Variants in PARD3B observed in about 807,000 individuals in gnomAD.
PARD3B encodes the protein par-3 family cell polarity regulator beta.
A neutral mutation model predicts 130.2 loss-of-function variants in PARD3B; 103 were observed. The observed-to-expected ratio is 0.79, with a 90% CI of 0.67 to 0.93. The LOEUF (loss-of-function observed/expected upper bound fraction) is 0.93, where lower values mean the gene tolerates loss of function less well. Ranked by LOEUF, PARD3B falls within the 40% of genes least tolerant of loss-of-function variation. The probability of loss-of-function intolerance (pLI) is 0.00; values close to 1 mark genes in which losing one functional copy is unlikely to be tolerated. For synonymous variants in PARD3B, 583 were observed against 553.2 expected, an observed-to-expected ratio of 1.05 and a Z score of -0.76; for missense variants, 1,609 against 1,499.2, an observed-to-expected ratio of 1.07 and a Z score of -1.21.
At chr2:205,152,760 A>G (rs1195709700) in intron 10 of PARD3B, among the ~76,000 whole-genome samples, 2 of 152,224 alleles carry the variant, frequency 1.3e-5, no homozygotes, top group Non-Finnish European at 2.9e-5. Context: ...ACTTCTGTCA[A>G]CTTGTCAGAG....
chr2:205,375,566 T>C (rs995520438), intron 18 of PARD3B, among the ~76,000 whole-genome samples: 20 of 152,096 alleles, frequency 1.3e-4, no homozygotes, highest in African/African-American at 4.8e-4. Flanking sequence ...GTAGGAGAGA[T>C]TTGTGGCAAG....
At chr2:205,196,777 A>G (rs1013566225) in intron 15 of PARD3B, among the ~76,000 whole-genome samples, 1 of 152,148 alleles carries the variant, frequency 6.6e-6, no homozygotes, top group Non-Finnish European at 1.5e-5. Context: ...AAATTTGCAC[A>G]CATAGATGTG....
intron 21 of PARD3B, among the ~76,000 whole-genome samples, chr2:205,542,856 T>C (rs2052219236): frequency 6.6e-6 from 1 of 152,186 alleles, no homozygotes; most frequent in Admixed American, 6.5e-5. Context: ...TTTTTTATTT[T>C]GTAAGGAATA....
chr2:205,444,434 G>A (rs1029623019), intron 20 of PARD3B, among the ~76,000 whole-genome samples: 1 of 152,202 alleles, frequency 6.6e-6, no homozygotes, highest in Admixed American at 6.5e-5. Flanking sequence ...CACCCTGGGT[G>A]ACAGAGAAAG....
chr2:205,257,288 A>C (rs2040129754), intron 16 of PARD3B, among the ~76,000 whole-genome samples: 1 of 152,130 alleles, frequency 6.6e-6, no homozygotes, highest in Non-Finnish European at 1.5e-5. Flanking sequence ...AAAGCCATTC[A>C]AAGTTACCTT....
At position 205,011,396 on chromosome 2, in the gene PARD3B, G is replaced by T. The variant is rs562807087; in HGVS notation, c.395-36185G>T. ...AGGTTGTCAGTATGTCCCTAGGGCT[G>T]CTTGGGACATGGCAGCTGCATCCCC... On this transcript the variant is annotated intron_variant, in intron 3 of 22. Transcript: ENST00000406610. The surrounding 1 kb of genome is among the most constrained non-coding windows in gnomAD (Gnocchi z 4.1). Among the ~76,000 whole-genome samples, 35 of 152,290 alleles carry T rather than the reference G, an allele frequency of 2.3e-4. No homozygotes were observed. The highest frequency in any genetic ancestry group is 8.2e-4 in the African/African-American group (34 of 41,550).
At position 205,291,361 on chromosome 2, in the gene PARD3B, A is replaced by G. The variant is rs2041601585; in HGVS notation, c.2186-9169A>G. 6.6e-6 allele frequency among the ~76,000 whole-genome samples: 1 copy of G among 152,240 alleles called. No individual in the cohort carries two copies. Among genetic ancestry groups the G allele is most frequent in the South Asian group, 2.1e-4 (1 of 4,830 alleles). ...AGATGATACCCACATAATCTTGAAT[A>G]GAACGTTGGTAGAAATATGGATGGT... On this transcript the variant is annotated intron_variant, in intron 16 of 22. Coordinates refer to ENST00000406610, the MANE Select transcript of PARD3B (RefSeq NM_001302769.2). This position sits in a 1 kb window ranked among gnomAD's most constrained non-coding sequence, Gnocchi z 4.6.
At chr2:205,504,443 A>G (rs902964596) in intron 21 of PARD3B, among the ~76,000 whole-genome samples, 1 of 152,240 alleles carries the variant, frequency 6.6e-6, no homozygotes, top group Non-Finnish European at 1.5e-5. Context: ...AACTACCATC[A>G]GAGTGAACAG....
At chr2:204,605,721 A>T (rs1313014313) in intron 1 of PARD3B, among the ~76,000 whole-genome samples, 1 of 152,228 alleles carries the variant, frequency 6.6e-6, no homozygotes, top group Non-Finnish European at 1.5e-5. Context: ...CGTAAAAAAG[A>T]GAATTATAAT....
chr2:205,325,489 TGATAAA>T lies in PARD3B; in HGVS notation c.2630+23793_2630+23798del, dbSNP rs1298731314. 6.6e-6 allele frequency among the ~76,000 whole-genome samples: 1 copy of T among 150,866 alleles called. No individual in the cohort carries two copies. Among genetic ancestry groups the T allele is most frequent in the African/African-American group, 2.4e-5 (1 of 41,034 alleles). On this transcript the variant is annotated intron_variant, in intron 18 of 22. Transcript: ENST00000406610. This position sits in a 1 kb window ranked among gnomAD's most constrained non-coding sequence, Gnocchi z 4.1. ...CAACAATTCTCTCCACACTCAGTAC[TGATAAA>T]GATAGTTTACTAATATCATCTCATT...
intron 16 of PARD3B, among the ~76,000 whole-genome samples, chr2:205,267,285 T>C (rs376540470): frequency 8.5e-4 from 124 of 146,498 alleles, no homozygotes; most frequent in African/African-American, 3.0e-3. Flanking sequence ...CTTCTTGCTA[T>C]GTACTGATAT....
chr2:204,787,699 C>T lies in PARD3B; in HGVS notation c.222+101417C>T, dbSNP rs567102859. Among the ~76,000 whole-genome samples the T allele has an allele frequency of 1.6e-4, 25 of 152,316 alleles. No individual in the cohort carries two copies. The South Asian group carries it at 4.6e-3, about 28-fold the overall frequency. On this transcript the variant is annotated intron_variant, in intron 2 of 22. Transcript: ENST00000406610. Reference sequence around the variant, plus strand: ...TTTCTAATAGGTGGAATGTAACTCTCCTCTACCACTGTTCAAGGATAAAAT... The same window carrying T: ...TTTCTAATAGGTGGAATGTAACTCTTCTCTACCACTGTTCAAGGATAAAAT...
At chr2:205,472,876 G>T (rs73985031) in intron 20 of PARD3B, among the ~76,000 whole-genome samples, 2,812 of 152,112 alleles carry the variant, frequency 0.018, 97 homozygotes, top group African/African-American at 0.064. Flanking sequence ...TAGAGGGGGG[G>T]AACAGACAGA....
At chr2:205,390,460 T>C (rs929833309) in intron 18 of PARD3B, among the ~76,000 whole-genome samples, 1 of 152,250 alleles carries the variant, frequency 6.6e-6, no homozygotes, top group Non-Finnish European at 1.5e-5. Context: ...CTACATGGAC[T>C]AATTCTTTTG....
In PARD3B at chr2:204,906,598, T is replaced by C. The variant is rs1472113889; in HGVS notation, c.223-58554T>C. 6.6e-6 allele frequency among the ~76,000 whole-genome samples: 1 copy of C among 152,226 alleles called. No individual in the cohort carries two copies. Among genetic ancestry groups the C allele is most frequent in the Non-Finnish European group, 1.5e-5 (1 of 68,040 alleles). ...ATTTTGATGCCTTCCCTTATGTTGG[T>C]AATTTAGCAACCATTGTTCTGTTTG... is the stretch of plus-strand genomic sequence containing the variant. On this transcript the variant is annotated intron_variant, in intron 2 of 22. Transcript: ENST00000406610. This position sits in a 1 kb window ranked among gnomAD's most constrained non-coding sequence, Gnocchi z 4.3.
chr2:204,651,350 A>G (rs1000018279), intron 1 of PARD3B, among the ~76,000 whole-genome samples: 1 of 152,220 alleles, frequency 6.6e-6, no homozygotes, highest in Admixed American at 6.5e-5. Context: ...AATTGACCCA[A>G]AGAAAGGGGC....
chr2:204,831,013 A>C (rs1401276051), intron 2 of PARD3B, among the ~76,000 whole-genome samples: 1 of 152,196 alleles, frequency 6.6e-6, no homozygotes, highest in Non-Finnish European at 1.5e-5. Context: ...TTATTATCTA[A>C]ATAACTGAGT....
chr2:205,610,211 A>G (rs1224325410), intron 22 of PARD3B, among the ~76,000 whole-genome samples: 2 of 152,100 alleles, frequency 1.3e-5, no homozygotes, highest in South Asian at 2.1e-4. Context: ...AAAGCTTGGG[A>G]GGCACTGGGA....
chr2:205,326,911 A>T (rs1253592372), intron 18 of PARD3B, among the ~76,000 whole-genome samples: 1 of 152,218 alleles, frequency 6.6e-6, no homozygotes, highest in Non-Finnish European at 1.5e-5. Flanking sequence ...TGCTTCTAGT[A>T]TAACTGAAAT....
Sources: gnomAD v4.1 joint callset for allele counts (sites outside exome capture counted in the v4.1 genomes callset) on GRCh38, gnomAD v4.1.1 for gene constraint, Gnocchi (gnomAD v3.1) non-coding constraint, MANE v1.5 for transcripts, NCBI Gene and HGNC (gene_info 2026-07-23, HGNC 2026-07-21) for gene names.